The following ZNF184 variants were observed in gnomAD, a reference collection of about 807,000 sequenced individuals.
The protein encoded by ZNF184 is zinc finger protein 184.
In ZNF184, 16 loss-of-function variants were observed where a neutral mutation model predicts 54.4. The ratio of observed to expected loss-of-function variants is 0.29; its 90% CI spans 0.20 to 0.45. The LOEUF (loss-of-function observed/expected upper bound fraction) is 0.45, where lower values mean the gene tolerates loss of function less well. Among genes scored for constraint, ZNF184 ranks in the 20% least tolerant of loss-of-function variants. The probability of loss-of-function intolerance (pLI) is 1.00; values close to 1 mark genes in which losing one functional copy is unlikely to be tolerated. For missense variants in ZNF184, 681 were observed against 888.2 expected (o/e 0.77, Z 2.97); for synonymous variants, 254 against 295.3 (o/e 0.86, Z 1.43).
intron 3 of ZNF184, among the ~76,000 whole-genome samples, chr6:27,467,031 G>A (rs1763155609): frequency 6.6e-6 from 1 of 152,102 alleles, no homozygotes; most frequent in Admixed American, 6.6e-5. Context: ...TGAATCCTGT[G>A]TAACATCTGT....
At chr6:27,425,410 A>G in the ZNF184 span, among the ~76,000 whole-genome samples, 105,851 of 152,204 alleles carry the variant, frequency 0.7, 36,830 homozygotes, top group Middle Eastern at 0.8. Context: ...ATGACCTCAT[A>G]GTTATGTTTA....
At chr6:27,408,146 G>C in the ZNF184 span, 2 of 655,016 alleles carry the variant, frequency 3.1e-6, no homozygotes, top group East Asian at 2.7e-5. Context: ...GGTGAGAAGG[G>C]ATCAAGAGAA....
At chr6:27,417,314 CTT>C in the ZNF184 span, among the ~76,000 whole-genome samples, 1 of 152,050 alleles carries the variant, frequency 6.6e-6, no homozygotes, top group Non-Finnish European at 1.5e-5. Flanking sequence ...TTCCTAAACT[CTT>C]TATCAAAACC....
At chr6:27,436,921 T>C in the ZNF184 span, among the ~76,000 whole-genome samples, 49 of 152,166 alleles carry the variant, frequency 3.2e-4, no homozygotes, top group Non-Finnish European at 6.3e-4. Flanking sequence ...GAGGCACAAA[T>C]AAAATTCTCC....
At chr6:27,427,681 C>G in the ZNF184 span, among the ~76,000 whole-genome samples, 1 of 152,202 alleles carries the variant, frequency 6.6e-6, no homozygotes, top group Non-Finnish European at 1.5e-5. Context: ...CTAGTTGTCT[C>G]CAGATCCATA....
the ZNF184 span, among the ~76,000 whole-genome samples, chr6:27,421,547 G>A: frequency 1.3e-5 from 2 of 152,090 alleles, no homozygotes; most frequent in Admixed American, 1.3e-4. Flanking sequence ...ATCTGTCCAC[G>A]TACAGATATA....
intron 5 of ZNF184, 92 bp downstream of exon 5, chr6:27,456,734 G>A (rs1194879128): frequency 5.5e-6 from 6 of 1,093,824 alleles, no homozygotes; most frequent in Middle Eastern, 2.0e-4. Context: ...TTAAAGGGAA[G>A]AAAGTACATC....
At chr6:27,436,185 T>G in the ZNF184 span, among the ~76,000 whole-genome samples, 8 of 152,264 alleles carry the variant, frequency 5.3e-5, no homozygotes, top group South Asian at 2.1e-4. Context: ...TGTTGTTGTT[T>G]TTTTTCTGAG....
At chr6:27,421,720 G>A in the ZNF184 span, among the ~76,000 whole-genome samples, 5 of 152,168 alleles carry the variant, frequency 3.3e-5, no homozygotes, top group African/African-American at 1.2e-4. Flanking sequence ...ATGGAGTTTG[G>A]TGATTGCGTG....
chr6:27,461,006 C>T (rs984635976), intron 3 of ZNF184, among the ~76,000 whole-genome samples: 5 of 152,158 alleles, frequency 3.3e-5, no homozygotes, highest in African/African-American at 1.2e-4. Context: ...TGATTAATGA[C>T]GTTATTCTGT....
the ZNF184 span, among the ~76,000 whole-genome samples, chr6:27,431,091 C>T: frequency 6.6e-6 from 1 of 152,140 alleles, no homozygotes; most frequent in Non-Finnish European, 1.5e-5. Flanking sequence ...TACCTTATTT[C>T]ACCAATAGAC....
At chr6:27,462,081 T>G (rs1040798907) in intron 3 of ZNF184, among the ~76,000 whole-genome samples, 3 of 152,208 alleles carry the variant, frequency 2.0e-5, no homozygotes, top group African/African-American at 7.2e-5. Flanking sequence ...CCTGCCTCTA[T>G]GGTCAGGAAT....
At chr6:27,441,403 CAG>C in the ZNF184 span, among the ~76,000 whole-genome samples, 1 of 152,070 alleles carries the variant, frequency 6.6e-6, no homozygotes, top group Non-Finnish European at 1.5e-5. Flanking sequence ...TTTCTAGAAA[CAG>C]GGTTTCATTA....
chr6:27,409,607 A>T, the ZNF184 span, among the ~76,000 whole-genome samples: 1 of 152,080 alleles, frequency 6.6e-6, no homozygotes, highest in East Asian at 1.9e-4. Context: ...GCTAACTTGT[A>T]AACTATTCTT....
Position 27,467,839 on chromosome 6 carries a change from A to G in ZNF184, c.75+14T>C. The G allele has an allele frequency of 6.3e-7, 1 of 1,597,638 alleles. No individual in the cohort carries two copies. The highest frequency in any genetic ancestry group is 1.4e-5 in the African/African-American group (1 of 73,938). ...CTAAAGAATAAAATGGCATTTCAAG[A>G]AACCACATCTTACCTGAAAACTGGC... On this transcript the variant is annotated intron_variant, in intron 3 of 5. Transcript: ENST00000683788.
the ZNF184 span, among the ~76,000 whole-genome samples, chr6:27,416,284 T>A: frequency 2.6e-5 from 4 of 152,184 alleles, no homozygotes; most frequent in African/African-American, 4.8e-5. Context: ...GAATTTTGAG[T>A]TAAGAGATGG....
chr6:27,422,201 AAAGAAAGAAAG>A, the ZNF184 span, among the ~76,000 whole-genome samples: 16 of 103,288 alleles, frequency 1.5e-4, no homozygotes, highest in African/African-American at 4.8e-4. Context: ...AGAAAGAAAG[AAAGAAAGAAAG>A]AAAGAAAAGA....
At chr6:27,464,811 T>C (rs1304502732) in intron 3 of ZNF184, among the ~76,000 whole-genome samples, 3 of 151,342 alleles carry the variant, frequency 2.0e-5, no homozygotes, top group Non-Finnish European at 4.4e-5. Flanking sequence ...GGTCAGGAGA[T>C]CGAGACCATC....
chr6:27,440,889 C>G, the ZNF184 span, among the ~76,000 whole-genome samples: 4 of 152,050 alleles, frequency 2.6e-5, no homozygotes, highest in Non-Finnish European at 5.9e-5. Context: ...CCTGTAGTCC[C>G]AGCTACTCGG....
Sources: allele counts gnomAD v4.1 joint callset (sites outside exome capture counted in the v4.1 genomes callset), GRCh38; gene constraint gnomAD v4.1.1; transcripts MANE v1.5; gene names NCBI Gene and HGNC (gene_info 2026-07-23, HGNC 2026-07-21).